FAM167A: variants seen among roughly 807,000 people sequenced by gnomAD.
The protein encoded by FAM167A is protein FAM167A.
In FAM167A, 23 loss-of-function variants were observed where a neutral mutation model predicts 14.9. The observed-to-expected ratio is 1.55, with a 90% CI of 1.11 to 2.19. The LOEUF is 2.19. Among genes scored for constraint, FAM167A ranks in the 30% most tolerant of loss-of-function variants. The probability of loss-of-function intolerance (pLI) is 0.00; values close to 1 mark genes in which losing one functional copy is unlikely to be tolerated. For missense variants in FAM167A, 401 were observed against 281.5 expected (o/e 1.42, Z -3.04); for synonymous variants, 174 against 117.7 (o/e 1.48, Z -3.10).
At chr8:11,427,218 C>G (rs1329079986) in intron 2 of FAM167A, among the ~76,000 whole-genome samples, 1 of 152,158 alleles carries the variant, frequency 6.6e-6, no homozygotes, top group Non-Finnish European at 1.5e-5. Context: ...ATGGGCCTCA[C>G]AGCCACTCCT....
intron 1 of FAM167A, among the ~76,000 whole-genome samples, chr8:11,461,425 C>G (rs138023155): frequency 8.5e-4 from 130 of 152,392 alleles, no homozygotes; most frequent in African/African-American, 3.0e-3. Context: ...AGACCCAGGG[C>G]TTTTCTGGCC....
intron 2 of FAM167A, among the ~76,000 whole-genome samples, chr8:11,442,326 C>T (rs1381202407): frequency 6.6e-6 from 1 of 152,144 alleles, no homozygotes; most frequent in Admixed American, 6.5e-5. Flanking sequence ...TTATCACCCC[C>T]AGACATTCAT....
chr8:11,466,001 GGCT>G (rs1461073177), intron 1 of FAM167A, among the ~76,000 whole-genome samples: 1 of 151,998 alleles, frequency 6.6e-6, no homozygotes, highest in African/African-American at 2.4e-5. Context: ...AACCTAACTT[GGCT>G]GAAGAAGACA....
chr8:11,463,808 C>A (rs764306856), intron 1 of FAM167A, among the ~76,000 whole-genome samples: 3 of 152,180 alleles, frequency 2.0e-5, no homozygotes, highest in Non-Finnish European at 4.4e-5. Flanking sequence ...CTGCAAAGGC[C>A]GCTGGGGAGG....
chr8:11,460,405 C>G (rs1004468908), intron 1 of FAM167A, among the ~76,000 whole-genome samples: 1 of 152,188 alleles, frequency 6.6e-6, no homozygotes, highest in African/African-American at 2.4e-5. Flanking sequence ...CTCTTCCACC[C>G]TGACACATGC....
chr8:11,447,436 C>T (rs1806833370), intron 1 of FAM167A, among the ~76,000 whole-genome samples: 1 of 152,202 alleles, frequency 6.6e-6, no homozygotes, highest in South Asian at 2.1e-4. Flanking sequence ...CCTGCATAGA[C>T]CATGTCAGGA....
intron 1 of FAM167A, among the ~76,000 whole-genome samples, chr8:11,465,589 G>A (rs1236399563): frequency 6.6e-6 from 1 of 152,234 alleles, no homozygotes; most frequent in Admixed American, 6.5e-5. Flanking sequence ...ACACGCTGCA[G>A]AAGTTCCTAT....
chr8:11,435,190 G>T, intron 2 of FAM167A: 1 of 453,142 alleles, frequency 2.2e-6, no homozygotes. Context: ...CCACACTGAG[G>T]TTCTGTCCCC....
At chr8:11,437,576 G>C (rs1200805916) in intron 2 of FAM167A, among the ~76,000 whole-genome samples, 1 of 152,170 alleles carries the variant, frequency 6.6e-6, no homozygotes, top group African/African-American at 2.4e-5. Context: ...GTGCACTCTT[G>C]ACCAGTTAAT....
chr8:11,428,345 C>G (rs1805328703), intron 2 of FAM167A, among the ~76,000 whole-genome samples: 1 of 152,232 alleles, frequency 6.6e-6, no homozygotes, highest in African/African-American at 2.4e-5. Context: ...TCAGAGGCAG[C>G]TAGAAAGAGG....
chr8:11,441,121 T>A (rs1806409454), intron 2 of FAM167A, among the ~76,000 whole-genome samples: 1 of 152,216 alleles, frequency 6.6e-6, no homozygotes, highest in Non-Finnish European at 1.5e-5. Context: ...AGTCGCAATC[T>A]TCTGAATGAG....
Position 11,444,802 on chromosome 8 carries a change from G to A in FAM167A, c.-391C>T, listed in dbSNP as rs1806683592. ...CTCTTCTCGGGAAGGGCAGGTGGCTGGAGACCCTGTGGGAGGGATGAGAAC... is the reference window on the plus strand; with the variant it reads ...CTCTTCTCGGGAAGGGCAGGTGGCTAGAGACCCTGTGGGAGGGATGAGAAC... On this transcript the variant is annotated 5_prime_UTR_variant, in exon 2 of 3. Transcript: ENST00000284486. 2.0e-6 allele frequency: 2 copies of A among 1,006,162 alleles called. No homozygotes were observed. The highest frequency in any genetic ancestry group is 1.7e-5 in the African/African-American group (1 of 57,822). The allele number at this position is 1,006,162 out of a possible 1,614,324, so 62.3% of individuals were successfully genotyped here.
At chr8:11,473,897 G>C (rs1797789321) in intron 1 of FAM167A, among the ~76,000 whole-genome samples, 1 of 151,648 alleles carries the variant, frequency 6.6e-6, no homozygotes, top group Non-Finnish European at 1.5e-5. Context: ...TTTTGAGACA[G>C]AGTCTCACTC....
chr8:11,446,190 G>C (rs934021000), intron 1 of FAM167A, among the ~76,000 whole-genome samples: 1 of 152,146 alleles, frequency 6.6e-6, no homozygotes, highest in Non-Finnish European at 1.5e-5. Context: ...ATTCCTCTCC[G>C]ACATGGCACG....
chr8:11,427,766 T>C (rs1805283194), intron 2 of FAM167A, among the ~76,000 whole-genome samples: 1 of 152,220 alleles, frequency 6.6e-6, no homozygotes, highest in African/African-American at 2.4e-5. Flanking sequence ...AGGTATCTAA[T>C]GGCAAAATTG....
At chr8:11,461,494 A>G (rs1354295037) in intron 1 of FAM167A, among the ~76,000 whole-genome samples, 2 of 152,250 alleles carry the variant, frequency 1.3e-5, no homozygotes, top group African/African-American at 4.8e-5. Context: ...GTGGCCTTTA[A>G]AGCAATCTGC....
upstream of FAM167A, among the ~76,000 whole-genome samples, chr8:11,467,081 TGGAGGGCGCAGGGGGACCCCACGCCCAG>T (rs1438014214): frequency 2.6e-5 from 4 of 152,166 alleles, no homozygotes; most frequent in Non-Finnish European, 5.9e-5. Flanking sequence ...TTTGTCCGCA[TGGAGGGCGCAGGGGGACCCCACGCCCAG>T]GGCCTCACCC....
chr8:11,438,320 T>G, intron 2 of FAM167A: 1 of 412,474 alleles, frequency 2.4e-6, no homozygotes, highest in African/African-American at 2.1e-5. Context: ...TGCAGCTCCC[T>G]GGCCAGCAGC....
At chr8:11,475,377 T>C (rs972864225) in intron 1 of FAM167A, among the ~76,000 whole-genome samples, 6 of 152,164 alleles carry the variant, frequency 3.9e-5, no homozygotes, top group African/African-American at 1.4e-4. Context: ...GCAAATACTT[T>C]AGAGTGTCTG....
Sources: allele counts gnomAD v4.1 joint callset (sites outside exome capture counted in the v4.1 genomes callset), GRCh38; gene constraint gnomAD v4.1.1; transcripts MANE v1.5; gene names NCBI Gene and HGNC (gene_info 2026-07-23, HGNC 2026-07-21).